The following CNTN3 variants were observed in gnomAD, a reference collection of about 807,000 sequenced individuals.
CNTN3 encodes the protein contactin-3.
In CNTN3, 60 loss-of-function variants were observed where a neutral mutation model predicts 119.1. The ratio of observed to expected loss-of-function variants is 0.50; its 90% CI spans 0.41 to 0.62. The LOEUF (loss-of-function observed/expected upper bound fraction) is 0.62, where lower values mean the gene tolerates loss of function less well. Ranked by LOEUF, CNTN3 falls within the 20% of genes least tolerant of loss-of-function variation. The probability of loss-of-function intolerance (pLI) is 0.00; values close to 1 mark genes in which losing one functional copy is unlikely to be tolerated. For missense variants in CNTN3, 1,101 were observed against 1,242.4 expected, an observed-to-expected ratio of 0.89 and a Z score of 1.71; for synonymous variants, 450 against 438.7, an observed-to-expected ratio of 1.03 and a Z score of -0.32.
Position 74,591,196 on chromosome 3 carries a change from T to C in CNTN3, c.-81+23195A>G, listed in dbSNP as rs527847386. On this transcript the variant is annotated intron_variant, in intron 1 of 22. Transcript: ENST00000263665. The stretch of plus-strand genomic sequence containing the variant: ...CCTTATGTTGGTTTTTTTGAGGTCA[T>C]GTGAGTAAGTTTGTTACATATTCTA... Among the ~76,000 whole-genome samples, 173 of 152,034 alleles carry C rather than the reference T, an allele frequency of 1.1e-3. 1 individual carries two copies. Among genetic ancestry groups the C allele is most frequent in the African/African-American group, 4.0e-3 (165 of 41,518 alleles).
At position 74,340,989 on chromosome 3, in the gene CNTN3, A is replaced by T. The variant is rs79215734; in HGVS notation, c.1365-4331T>A. ...AATCCTTTGGTGTATTAGGTTTAGTAACTTTAATTAAGCAAACTTCAAGTC... is the reference window on the plus strand; with the variant it reads ...AATCCTTTGGTGTATTAGGTTTAGTTACTTTAATTAAGCAAACTTCAAGTC... On this transcript the variant is annotated intron_variant, in intron 11 of 22. Transcript: ENST00000263665. Among the ~76,000 whole-genome samples, 80 of 152,294 alleles carry T rather than the reference A, an allele frequency of 5.3e-4. No homozygotes were observed. The East Asian group carries it at 0.012, about 23-fold the overall frequency.
At chr3:74,450,847 A>AT (rs1201815199) in intron 4 of CNTN3, among the ~76,000 whole-genome samples, 1 of 151,760 alleles carries the variant, frequency 6.6e-6, no homozygotes, top group Non-Finnish European at 1.5e-5. Flanking sequence ...TGAACTCATC[A>AT]TTTTTTATGG....
intron 20 of CNTN3, chr3:74,267,581 A>G: frequency 6.1e-6 from 3 of 495,712 alleles, no homozygotes; most frequent in Middle Eastern, 5.2e-4. Context: ...TCATACACCA[A>G]ACCCCCGTGA....
intron 3 of CNTN3, among the ~76,000 whole-genome samples, chr3:74,497,136 T>C (rs1363617378): frequency 6.6e-6 from 1 of 152,014 alleles, no homozygotes; most frequent in Non-Finnish European, 1.5e-5. Flanking sequence ...AAAAATACTT[T>C]TTCTGACTTC....
At chr3:74,338,244 G>A (rs1703442238) in intron 11 of CNTN3, among the ~76,000 whole-genome samples, 1 of 152,038 alleles carries the variant, frequency 6.6e-6, no homozygotes, top group Non-Finnish European at 1.5e-5. Flanking sequence ...GAAAAATACT[G>A]AGGACATTAG....
At chr3:74,391,877 T>G (rs1374434892) in intron 5 of CNTN3, among the ~76,000 whole-genome samples, 3 of 152,132 alleles carry the variant, frequency 2.0e-5, no homozygotes, top group African/African-American at 7.2e-5. Flanking sequence ...AGGCTGGTCT[T>G]GAACTCCTAA....
intron 13 of CNTN3, among the ~76,000 whole-genome samples, chr3:74,309,113 A>T (rs113613756): frequency 0.055 from 8,372 of 151,760 alleles, 726 homozygotes; most frequent in African/African-American, 0.17. Context: ...TTATTTATTT[A>T]TTTATTTTTG....
chr3:74,323,759 C>A (rs987460635), intron 13 of CNTN3, among the ~76,000 whole-genome samples: 7 of 152,026 alleles, frequency 4.6e-5, no homozygotes, highest in Admixed American at 3.9e-4. Flanking sequence ...CTTCAGGCTC[C>A]TTTTGCAAGA....
intron 3 of CNTN3, among the ~76,000 whole-genome samples, chr3:74,491,952 C>A (rs532480097): frequency 1.3e-5 from 2 of 152,136 alleles, no homozygotes; most frequent in Non-Finnish European, 2.9e-5. Flanking sequence ...AAGAAGACAA[C>A]CTCGTGTCTC....
intron 4 of CNTN3, among the ~76,000 whole-genome samples, chr3:74,447,362 T>G (rs946669916): frequency 1.3e-5 from 2 of 152,150 alleles, no homozygotes; most frequent in Non-Finnish European, 2.9e-5. Context: ...TTTCCTGCTA[T>G]TGCCTCCCAT....
chr3:74,295,008 A>C, intron 19 of CNTN3, 113 bp downstream of exon 19: 4 of 575,986 alleles, frequency 6.9e-6, no homozygotes, highest in Non-Finnish European at 1.2e-5. Flanking sequence ...TTGATAAAAA[A>C]ATTTCGGCCA....
intron 2 of CNTN3, among the ~76,000 whole-genome samples, chr3:74,505,113 T>G (rs1703234046): frequency 1.3e-5 from 2 of 152,172 alleles, no homozygotes; most frequent in South Asian, 4.1e-4. Flanking sequence ...TTTTTTCATA[T>G]GGGCACCAGT....
chr3:74,485,805 AT>A (rs1702845923), intron 4 of CNTN3, among the ~76,000 whole-genome samples: 1 of 152,058 alleles, frequency 6.6e-6, no homozygotes, highest in East Asian at 1.9e-4. Context: ...CCAAGTCCAA[AT>A]TTCCTAGAGA....
At chr3:74,330,432 C>T (rs1408286093) in intron 13 of CNTN3, among the ~76,000 whole-genome samples, 3 of 151,962 alleles carry the variant, frequency 2.0e-5, no homozygotes, top group Admixed American at 1.3e-4. Context: ...CTTACTGATG[C>T]ATTTGTGATG....
intron 4 of CNTN3, among the ~76,000 whole-genome samples, chr3:74,443,235 G>T (rs564260600): frequency 6.6e-6 from 1 of 152,258 alleles, no homozygotes; most frequent in African/African-American, 2.4e-5. Flanking sequence ...ACAGTGGGAA[G>T]CCCTGGGCAG....
intron 9 of CNTN3, among the ~76,000 whole-genome samples, chr3:74,365,035 C>A (rs548732854): frequency 6.6e-6 from 1 of 152,118 alleles, no homozygotes; most frequent in Admixed American, 6.6e-5. Flanking sequence ...TTCTGGGAAA[C>A]ACATATATTT....
intron 22 of CNTN3, among the ~76,000 whole-genome samples, chr3:74,265,981 A>G (rs1701654200): frequency 6.6e-6 from 1 of 152,128 alleles, no homozygotes; most frequent in African/African-American, 2.4e-5. Context: ...GGATTTGGAG[A>G]GGAAAAATTC....
At position 74,362,129 on chromosome 3, in the gene CNTN3, T is replaced by G. The variant is rs1353820679; in HGVS notation, c.1214-89A>C. ...AGGTCCACTTTTACAGTTTTAAAAG[T>G]TTTCTTTACATTCAGGGTGTCAGTG... On this transcript the variant is annotated intron_variant, in intron 10 of 22. Transcript: ENST00000263665. 5 of 1,449,316 alleles carry G rather than the reference T, an allele frequency of 3.4e-6. No homozygotes were observed. The African/African-American group carries it at 5.6e-5, about 16-fold the overall frequency. 89.8% of individuals were successfully genotyped at this position (1,449,316 alleles called of 1,614,324 possible).
At position 74,429,871 on chromosome 3, in the gene CNTN3, A is replaced by G. The variant is rs146067875; in HGVS notation, c.359-4931T>C. On this transcript the variant is annotated intron_variant, in intron 4 of 22. Transcript: ENST00000263665. ...GAGGAAAAACAGATGGAAAATAAGG[A>G]CCTGAAAAGATGTTCAACATCATTA... Among the ~76,000 whole-genome samples the G allele has an allele frequency of 6.1e-3, 933 of 152,296 alleles. 7 individuals are homozygous for G. Among genetic ancestry groups the G allele is most frequent in the African/African-American group, 0.021 (888 of 41,570 alleles).
Sources: gnomAD v4.1 joint callset for allele counts (sites outside exome capture counted in the v4.1 genomes callset) on GRCh38, gnomAD v4.1.1 for gene constraint, MANE v1.5 for transcripts, NCBI Gene and HGNC (gene_info 2026-07-23, HGNC 2026-07-21) for gene names.